The following NSMCE2 variants were observed in gnomAD, a reference collection of about 807,000 sequenced individuals.
NSMCE2 encodes the protein E3 SUMO-protein ligase NSE2.
Under a neutral mutation model 23.8 loss-of-function variants are expected in NSMCE2, and 24 were observed. The observed-to-expected ratio is 1.01, with a 90% CI of 0.73 to 1.42. The LOEUF is 1.42. Ranked by LOEUF, NSMCE2 falls within the 40% of genes most tolerant of loss-of-function variation. The pLI is 0.00. For missense variants in NSMCE2, 284 were observed against 296.5 expected (o/e 0.96, Z 0.31); for synonymous variants, 92 against 94.1 (o/e 0.98, Z 0.13).
In NSMCE2 at chr8:125,102,471, T is replaced by A; in HGVS notation, c.141T>A (p.Asp47Glu). Residue 47 changes from aspartate (D) to glutamate (E), a missense_variant, in exon 3 of 8, where the codon GAT becomes GAA. Asp to Glu is a conservative substitution (Grantham distance 45). Coordinates refer to ENST00000287437, the MANE Select transcript of NSMCE2 (RefSeq NM_173685.4). ...ACACAGCTTCTAGTGTTGCTTTGGA[T>A]CTTGTGGAAAGTCAGAGTAAGTAAA... is the stretch of plus-strand genomic sequence containing the variant. ...GMDTASSVAL[D>E]LVESQTEVSS... The A allele has an allele frequency of 1.2e-6, 2 of 1,613,948 alleles. No homozygotes were observed. The highest frequency in any genetic ancestry group is 1.3e-5 in the African/African-American group (1 of 75,034).
At chr8:125,232,790 A>T (rs1449562480) in intron 5 of NSMCE2, among the ~76,000 whole-genome samples, 1 of 152,142 alleles carries the variant, frequency 6.6e-6, no homozygotes, top group Non-Finnish European at 1.5e-5. Context: ...CTTTTTGGAT[A>T]TGTAGAAATA....
intron 5 of NSMCE2, among the ~76,000 whole-genome samples, chr8:125,340,936 T>C (rs1413041968): frequency 1.3e-5 from 2 of 152,224 alleles, no homozygotes; most frequent in African/African-American, 2.4e-5. Context: ...GCCTCCTTGA[T>C]GTTCACCTTT....
chr8:125,270,986 G>A (rs1472734305), intron 5 of NSMCE2: 1 of 152,352 alleles, frequency 6.6e-6, no homozygotes, highest in Admixed American at 6.5e-5. Flanking sequence ...TCTAGGCCAG[G>A]AGTGGTGGCT....
chr8:125,327,700 T>G (rs4871582), intron 5 of NSMCE2, among the ~76,000 whole-genome samples: 66,185 of 138,174 alleles, frequency 0.48, 18,219 homozygotes, highest in Non-Finnish European at 0.61. Flanking sequence ...TAAGATTTCT[T>G]TAGAATATTA....
intron 5 of NSMCE2, among the ~76,000 whole-genome samples, chr8:125,214,909 C>A (rs1270264556): frequency 6.6e-6 from 1 of 152,078 alleles, no homozygotes; most frequent in African/African-American, 2.4e-5. Flanking sequence ...TGATGTGCAA[C>A]CATCACCATT....
rs537442193 is a variant in NSMCE2 at position 125,166,773 on chromosome 8, C to G, written c.265-15330C>G. 4.0e-4 allele frequency among the ~76,000 whole-genome samples: 61 copies of G among 152,236 alleles called. 1 individual carries two copies. Among genetic ancestry groups the G allele is most frequent in the Middle Eastern group, 3.4e-3 (1 of 294 alleles). ...TCCCAGCTATGGAAGACTGGTCTTCCTGGTTTAGAGTGCCTCAATAAGAAA... is the reference window on the plus strand; with the variant it reads ...TCCCAGCTATGGAAGACTGGTCTTCGTGGTTTAGAGTGCCTCAATAAGAAA... On this transcript the variant is annotated intron_variant, in intron 4 of 7. Transcript: ENST00000287437.
At chr8:125,140,330 G>A (rs1367857559) in intron 3 of NSMCE2, among the ~76,000 whole-genome samples, 1 of 152,188 alleles carries the variant, frequency 6.6e-6, no homozygotes, top group Non-Finnish European at 1.5e-5. Flanking sequence ...GAGGCCTTAT[G>A]TTGAGTGCTT....
At chr8:125,311,341 A>G (rs1828965726) in intron 5 of NSMCE2, among the ~76,000 whole-genome samples, 1 of 151,400 alleles carries the variant, frequency 6.6e-6, no homozygotes, top group East Asian at 1.9e-4. Flanking sequence ...AGAAATCTGT[A>G]AAAAAAAATG....
At chr8:125,337,702 C>G (rs1468680510) in intron 5 of NSMCE2, among the ~76,000 whole-genome samples, 1 of 151,642 alleles carries the variant, frequency 6.6e-6, no homozygotes, top group Non-Finnish European at 1.5e-5. Flanking sequence ...TGAGACCAGC[C>G]TGACCAACAT....
At chr8:125,237,521 C>T (rs748727474) in intron 5 of NSMCE2, among the ~76,000 whole-genome samples, 1 of 152,212 alleles carries the variant, frequency 6.6e-6, no homozygotes, top group African/African-American at 2.4e-5. Context: ...TAATTAACTC[C>T]ACTTGCTGTG....
intron 5 of NSMCE2, among the ~76,000 whole-genome samples, chr8:125,209,124 G>A (rs947057845): frequency 4.6e-5 from 7 of 152,230 alleles, no homozygotes; most frequent in African/African-American, 1.7e-4. Context: ...ATTTTCTATC[G>A]TCAGCTATTT....
intron 5 of NSMCE2, among the ~76,000 whole-genome samples, chr8:125,299,291 A>G (rs1434785772): frequency 6.6e-6 from 1 of 152,214 alleles, no homozygotes; most frequent in East Asian, 1.9e-4. Context: ...TTAAAAAGAA[A>G]GGAGCACTCT....
chr8:125,166,765 T>G (rs78690636), intron 4 of NSMCE2, among the ~76,000 whole-genome samples: 1 of 152,202 alleles, frequency 6.6e-6, no homozygotes, highest in Non-Finnish European at 1.5e-5. Context: ...TATGGAAGAC[T>G]GGTCTTCCTG....
chr8:125,183,214 C>A (rs1395957142), intron 5 of NSMCE2, among the ~76,000 whole-genome samples: 1 of 152,132 alleles, frequency 6.6e-6, no homozygotes, highest in Admixed American at 6.5e-5. Flanking sequence ...AATAGGCTTT[C>A]TTTTAAATAT....
chr8:125,301,883 C>T (rs1482248170), intron 5 of NSMCE2, among the ~76,000 whole-genome samples: 4 of 152,028 alleles, frequency 2.6e-5, no homozygotes, highest in East Asian at 3.9e-4. Flanking sequence ...AGACTGGTCT[C>T]GAACTCCTGA....
chr8:125,263,596 A>C (rs1586688721), intron 5 of NSMCE2, among the ~76,000 whole-genome samples: 1 of 152,102 alleles, frequency 6.6e-6, no homozygotes, highest in East Asian at 1.9e-4. Context: ...CTAAAATACA[A>C]AAAATTAGCT....
intron 5 of NSMCE2, among the ~76,000 whole-genome samples, chr8:125,245,878 T>A (rs983051190): frequency 5.3e-5 from 8 of 151,742 alleles, no homozygotes; most frequent in Admixed American, 3.9e-4. Flanking sequence ...ATACAACAAC[T>A]AACTAGGTGT....
chr8:125,194,594 A>G (rs1372821343), intron 5 of NSMCE2, among the ~76,000 whole-genome samples: 4 of 152,186 alleles, frequency 2.6e-5, no homozygotes, highest in Admixed American at 6.6e-5. Context: ...CTTAATTTCT[A>G]TTGAGTAAAT....
intron 5 of NSMCE2, among the ~76,000 whole-genome samples, chr8:125,291,456 T>C (rs1453220006): frequency 6.6e-6 from 1 of 152,200 alleles, no homozygotes; most frequent in Non-Finnish European, 1.5e-5. Context: ...TATATAACAG[T>C]TCTATGAGCT....
Sources: gnomAD v4.1 joint callset for allele counts (sites outside exome capture counted in the v4.1 genomes callset) on GRCh38, gnomAD v4.1.1 for gene constraint, MANE v1.5 for transcripts, NCBI Gene and HGNC (gene_info 2026-07-23, HGNC 2026-07-21) for gene names.